Variants in DACH2 observed in about 807,000 individuals in gnomAD.
DACH2 encodes the protein dachshund homolog 2.
In DACH2, 17 loss-of-function variants were observed where a neutral mutation model predicts 35.8. The ratio of observed to expected loss-of-function variants is 0.48; its 90% CI spans 0.33 to 0.71. The LOEUF is 0.71. DACH2 is among the 30% of genes least tolerant of loss of function. The pLI, the probability that DACH2 is intolerant of heterozygous loss-of-function variation, is 0.02. For synonymous variants in DACH2, 195 were observed against 177.3 expected, an observed-to-expected ratio of 1.10 and a Z score of -0.79; for missense variants, 469 against 472.7, an observed-to-expected ratio of 0.99 and a Z score of 0.07.
At chrX:86,466,249 A>G (rs1024725373) in intron 2 of DACH2, among the ~76,000 whole-genome samples, 1 of 111,536 alleles carries the variant, frequency 9.0e-6, no homozygotes, top group African/African-American at 3.3e-5. Context: ...TGAGAACAGT[A>G]TGGGGTAAAC....
At chrX:86,221,801 G>T (rs990925046) in intron 1 of DACH2, among the ~76,000 whole-genome samples, 4 of 112,288 alleles carry the variant, frequency 3.6e-5, no homozygotes, top group Non-Finnish European at 7.5e-5. Context: ...TAAACAAATA[G>T]AATTTAATTT....
intron 1 of DACH2, among the ~76,000 whole-genome samples, chrX:86,310,872 C>G (rs1056176964): frequency 6.3e-5 from 7 of 111,235 alleles, no homozygotes; most frequent in Non-Finnish European, 1.1e-4. Flanking sequence ...GACCCATTCT[C>G]TGGACACCAC....
At chrX:86,338,897 C>T (rs780233529) in intron 1 of DACH2, among the ~76,000 whole-genome samples, 1 of 111,795 alleles carries the variant, frequency 8.9e-6, no homozygotes, top group African/African-American at 3.2e-5. Context: ...ACCACTGATC[C>T]CACAGAAATA....
At chrX:86,290,605 T>G (rs1322983721) in intron 1 of DACH2, among the ~76,000 whole-genome samples, 1 of 109,375 alleles carries the variant, frequency 9.1e-6, no homozygotes, top group East Asian at 2.9e-4. Context: ...TTGTATCAGG[T>G]GTAAGGAAGG....
At chrX:86,633,302 G>A (rs150237926) in intron 3 of DACH2, among the ~76,000 whole-genome samples, 35 of 110,438 alleles carry the variant, frequency 3.2e-4, no homozygotes, top group Admixed American at 2.3e-3. Context: ...ACAAAAGATC[G>A]TTAGAGACTA....
At chrX:86,149,606 A>AG (rs748517857) in intron 1 of DACH2, among the ~76,000 whole-genome samples, 1 of 111,325 alleles carries the variant, frequency 9.0e-6, no homozygotes, top group Admixed American at 9.5e-5. Flanking sequence ...TCCATCCCAG[A>AG]GGGTGATTCG....
chrX:86,587,947 G>A (rs1289117695), intron 3 of DACH2, among the ~76,000 whole-genome samples: 1 of 111,358 alleles, frequency 9.0e-6, no homozygotes, highest in Non-Finnish European at 1.9e-5. Flanking sequence ...TTTGCCAATG[G>A]TGATATGCAG....
At chrX:86,614,069 C>T (rs1413225652) in intron 3 of DACH2, among the ~76,000 whole-genome samples, 4 of 111,786 alleles carry the variant, frequency 3.6e-5, no homozygotes, top group South Asian at 7.3e-4. Context: ...ATCACAGTAA[C>T]GTCATCATTT....
chrX:86,701,087 G>C (rs2148449526), intron 5 of DACH2, among the ~76,000 whole-genome samples: 1 of 111,316 alleles, frequency 9.0e-6, no homozygotes, highest in East Asian at 2.8e-4. Flanking sequence ...CAATATCCTT[G>C]ATGAACACAG....
At chrX:86,517,835 A>G (rs1365078348) in intron 3 of DACH2, among the ~76,000 whole-genome samples, 1 of 111,186 alleles carries the variant, frequency 9.0e-6, no homozygotes, top group Non-Finnish European at 1.9e-5. Flanking sequence ...TTTTTTTTCC[A>G]TCGTGTAGGT....
chrX:86,247,916 CATAG>C (rs1409027250), intron 1 of DACH2, among the ~76,000 whole-genome samples: 1 of 111,092 alleles, frequency 9.0e-6, no homozygotes, highest in African/African-American at 3.3e-5. Context: ...TGATTCATCA[CATAG>C]ATAGAACTAG....
At chrX:86,423,496 G>A (rs1478968404) in intron 2 of DACH2, among the ~76,000 whole-genome samples, 1 of 106,557 alleles carries the variant, frequency 9.4e-6, no homozygotes, top group Non-Finnish European at 1.9e-5. Flanking sequence ...TCGAACCTTT[G>A]GCCCTTTTTA....
At chrX:86,149,284 C>T (rs186122465) in intron 1 of DACH2, among the ~76,000 whole-genome samples, 176 bp downstream of exon 1, 39 of 111,783 alleles carry the variant, frequency 3.5e-4, no homozygotes, top group African/African-American at 1.2e-3. Context: ...ATGCTGGTGC[C>T]TTCTAGTCCA....
chrX:86,810,806 T>TTC (rs967490458), intron 7 of DACH2, among the ~76,000 whole-genome samples: 33 of 111,190 alleles, frequency 3.0e-4, no homozygotes, highest in Non-Finnish European at 4.5e-4. Flanking sequence ...AATGTGCTGA[T>TTC]TCTCTCTGGA....
rs144755078 is a variant in DACH2, at chrX:86,425,141, T to G, written c.527+48279T>G. On this transcript the variant is annotated intron_variant, in intron 2 of 11. Coordinates refer to ENST00000373125, the MANE Select transcript of DACH2 (RefSeq NM_053281.3). ...GATGTTGGCCTATATTTCTCTTTTT[T>G]TGTGTGTGTGTCTTTATCTGGTTTT... 4.0e-3 allele frequency among the ~76,000 whole-genome samples: 440 copies of G among 110,999 alleles called. 3 individuals carry two copies. Among genetic ancestry groups the G allele is most frequent in the African/African-American group, 0.013 (410 of 30,664 alleles).
intron 3 of DACH2, among the ~76,000 whole-genome samples, chrX:86,622,528 G>C (rs993052074): frequency 1.5e-4 from 17 of 111,230 alleles, no homozygotes; most frequent in African/African-American, 5.5e-4. Context: ...TCAAAAGGAA[G>C]CATTCTTCAC....
At chrX:86,702,490 G>C (rs780621431) in intron 5 of DACH2, among the ~76,000 whole-genome samples, 1 of 111,265 alleles carries the variant, frequency 9.0e-6, no homozygotes, top group Non-Finnish European at 1.9e-5. Context: ...GAAAAAGTTG[G>C]TTCTGTGAAA....
chrX:86,438,476 T>C (rs1345575021), intron 2 of DACH2, among the ~76,000 whole-genome samples: 2 of 111,091 alleles, frequency 1.8e-5, no homozygotes, highest in East Asian at 5.7e-4. Flanking sequence ...TCCACCTGCC[T>C]CGACCTCCCA....
At chrX:86,278,843 C>G (rs947272806) in intron 1 of DACH2, among the ~76,000 whole-genome samples, 1 of 111,406 alleles carries the variant, frequency 9.0e-6, no homozygotes, top group African/African-American at 3.3e-5. Context: ...CTGGGATGCT[C>G]GAATTTGGTG....
Sources: gnomAD v4.1 joint callset for allele counts (sites outside exome capture counted in the v4.1 genomes callset) on GRCh38, gnomAD v4.1.1 for gene constraint, MANE v1.5 for transcripts, NCBI Gene and HGNC (gene_info 2026-07-23, HGNC 2026-07-21) for gene names.